LIPA: variants seen among roughly 807,000 people sequenced by gnomAD.
The protein encoded by LIPA is lysosomal acid lipase/cholesteryl ester hydrolase.
Under a neutral mutation model 40.6 loss-of-function variants are expected in LIPA, and 26 were observed. The ratio of observed to expected loss-of-function variants is 0.64; its 90% CI spans 0.47 to 0.89. LIPA has a LOEUF of 0.89. Ranked by LOEUF, LIPA falls within the 40% of genes least tolerant of loss-of-function variation. The pLI is 0.00. For synonymous variants in LIPA, 188 were observed against 168.4 expected (o/e 1.12, Z -0.90); for missense variants, 455 against 479.6 (o/e 0.95, Z 0.48).
chr10:89,320,737 C>T (rs1843566656), intron 1 of LIPA, among the ~76,000 whole-genome samples: 1 of 152,136 alleles, frequency 6.6e-6, no homozygotes, highest in Non-Finnish European at 1.5e-5. Flanking sequence ...CATATGGAAC[C>T]AAAATAGAGC....
chr10:89,334,690 A>G (rs1292743773), intron 1 of LIPA, among the ~76,000 whole-genome samples: 2 of 150,852 alleles, frequency 1.3e-5, no homozygotes, highest in Non-Finnish European at 1.5e-5. Context: ...GCGGGGTTTC[A>G]TCATGTTGGC....
intron 2 of LIPA, among the ~76,000 whole-genome samples, chr10:89,391,597 T>G (rs1844252076): frequency 6.6e-6 from 1 of 150,872 alleles, no homozygotes; most frequent in South Asian, 2.1e-4. Flanking sequence ...TGGTGTGATC[T>G]CGGCTCACTG....
chr10:89,356,338 T>C (rs1463708507), intron 2 of LIPA, among the ~76,000 whole-genome samples: 1 of 152,096 alleles, frequency 6.6e-6, no homozygotes, highest in Non-Finnish European at 1.5e-5. Flanking sequence ...AAAGCAGGTG[T>C]CCCCAATCCC....
intron 1 of LIPA, among the ~76,000 whole-genome samples, chr10:89,294,382 A>C (rs910950982): frequency 3.2e-4 from 48 of 152,252 alleles, no homozygotes; most frequent in African/African-American, 1.1e-3. Context: ...TCCAAGATCA[A>C]GGGGCCACAT....
At chr10:89,326,001 A>G (rs1843596387) in intron 1 of LIPA, among the ~76,000 whole-genome samples, 1 of 152,220 alleles carries the variant, frequency 6.6e-6, no homozygotes, top group African/African-American at 2.4e-5. Flanking sequence ...AATGTAAACT[A>G]TTATAACTAC....
At position 89,216,427 on chromosome 10, in the gene LIPA, T is replaced by TAG. The variant is rs931586599; in HGVS notation, c.895-420_895-419dup. Among the ~76,000 whole-genome samples, 554 of 140,878 alleles carry TAG rather than the reference T, an allele frequency of 3.9e-3. 2 individuals carry two copies. Among genetic ancestry groups the TAG allele is most frequent in the Middle Eastern group, 0.026 (7 of 270 alleles). The allele number at this position is 140,878 out of a possible 152,430, so 92.4% of individuals were successfully genotyped here. ...TATATATACATATATATATATATAA[T>TAG]AGAGAGAGAGAGAGAGAGATGGATA... On this transcript the variant is annotated intron_variant, in intron 8 of 9. Transcript: ENST00000336233.
At chr10:89,303,052 T>C (rs1444971677) in intron 1 of LIPA, among the ~76,000 whole-genome samples, 1 of 152,232 alleles carries the variant, frequency 6.6e-6, no homozygotes, top group Non-Finnish European at 1.5e-5. Context: ...GATTTCTTTT[T>C]TTTGTAGTCA....
intron 1 of LIPA, among the ~76,000 whole-genome samples, chr10:89,317,284 T>C (rs189597443): frequency 2.5e-3 from 380 of 152,304 alleles, no homozygotes; most frequent in African/African-American, 8.9e-3. Context: ...TAAGGGAGGA[T>C]GTTTGAACCC....
intron 5 of LIPA, among the ~76,000 whole-genome samples, chr10:89,226,546 T>C (rs1017714784): frequency 1.3e-5 from 2 of 152,252 alleles, no homozygotes; most frequent in Non-Finnish European, 2.9e-5. Context: ...TGTAGTTAGT[T>C]ATATTCCACT....
Position 89,288,027 on chromosome 10 carries a change from G to A in LIPA, c.-1-40378C>T, listed in dbSNP as rs144388301. On this transcript the variant is annotated intron_variant, in intron 1 of 5. Coordinates refer to the LIPA transcript ENST00000282673. Reference sequence around the variant, plus strand: ...TTTCACTTTCACTTGGACTGACCCCGACACCCATCAGGCTCAGCAAATTAC... The same window carrying A: ...TTTCACTTTCACTTGGACTGACCCCAACACCCATCAGGCTCAGCAAATTAC... 9.4e-3 allele frequency among the ~76,000 whole-genome samples: 1,428 copies of A among 152,098 alleles called. 16 individuals are homozygous for A. The highest frequency in any genetic ancestry group is 0.02 in the Middle Eastern group (6 of 294).
chr10:89,321,976 A>T (rs1159961657), intron 1 of LIPA, among the ~76,000 whole-genome samples: 3 of 152,092 alleles, frequency 2.0e-5, no homozygotes, highest in African/African-American at 7.2e-5. Flanking sequence ...AGGACAGAAA[A>T]CCAAACACCG....
chr10:89,268,999 T>G lies in LIPA; in HGVS notation c.-1-21350A>C, dbSNP rs1429445683. On this transcript the variant is annotated intron_variant, in intron 1 of 5. Transcript: ENST00000282673. ...AGACTCTGTCTCAAAAAAAAAAAAGTATAAAAATACTTTAAATGATTTACT... is the reference window on the plus strand; with the variant it reads ...AGACTCTGTCTCAAAAAAAAAAAAGGATAAAAATACTTTAAATGATTTACT... Among the ~76,000 whole-genome samples, 19 of 130,618 alleles carry G rather than the reference T, an allele frequency of 1.5e-4. 1 individual carries two copies. The Admixed American group carries it at 1.5e-3, about 10-fold the overall frequency. The allele number at this position is 130,618 out of a possible 152,430, so 85.7% of individuals were successfully genotyped here.
chr10:89,223,812 CTT>C lies in LIPA; in HGVS notation c.692_693del (p.Lys231ArgfsTer37). The C allele has an allele frequency of 6.2e-7, 1 of 1,614,124 alleles. No homozygotes were observed. The highest frequency in any genetic ancestry group is 8.5e-7 in the Non-Finnish European group (1 of 1,180,012). On this transcript the variant is annotated frameshift_variant, in exon 7 of 10. Transcript: ENST00000336233. LOFTEE classifies it high-confidence loss of function. ...DHLIKDLFGD[K>X]EFLPQSAFLK... Reference sequence around the variant, plus strand: ...AAAAACGCACTCTGGGGAAGAAATTCTTTGTCTCCAAATAAGTCCTACAAAAT... The same window carrying C: ...AAAAACGCACTCTGGGGAAGAAATTCTGTCTCCAAATAAGTCCTACAAAAT...
At chr10:89,341,539 A>T (rs562193062) in intron 1 of LIPA, among the ~76,000 whole-genome samples, 1 of 152,324 alleles carries the variant, frequency 6.6e-6, no homozygotes, top group African/African-American at 2.4e-5. Flanking sequence ...AAAGTATATA[A>T]ATGTATAAGA....
intron 1 of LIPA, chr10:89,309,365 C>G (rs1350675126): frequency 1.3e-5 from 2 of 152,188 alleles, no homozygotes; most frequent in Non-Finnish European, 2.9e-5. Context: ...CCCAAAATCT[C>G]TATTATTTTT....
chr10:89,330,199 C>T (rs556413006), intron 1 of LIPA, among the ~76,000 whole-genome samples: 109 of 152,286 alleles, frequency 7.2e-4, no homozygotes, highest in African/African-American at 2.6e-3. Context: ...GTGTTAAACA[C>T]GTTTTACGCA....
chr10:89,225,564 C>T (rs997168052), intron 5 of LIPA, among the ~76,000 whole-genome samples: 3 of 152,194 alleles, frequency 2.0e-5, no homozygotes, highest in Non-Finnish European at 4.4e-5. Flanking sequence ...GAGCCTCACC[C>T]CATCACCTTT....
chr10:89,402,376 AT>A, intron 2 of LIPA: 1 of 1,614,194 alleles, frequency 6.2e-7, no homozygotes, highest in Middle Eastern at 1.6e-4. Flanking sequence ...GAAATGCCTG[AT>A]TTAGAAAACA....
chr10:89,352,576 T>A (rs1169299241), intron 2 of LIPA, among the ~76,000 whole-genome samples: 2 of 152,154 alleles, frequency 1.3e-5, no homozygotes, highest in Admixed American at 1.3e-4. Context: ...TTCCAGCCTG[T>A]CAGAATGGCT....
Sources: gnomAD v4.1 joint callset for allele counts (sites outside exome capture counted in the v4.1 genomes callset) on GRCh38, gnomAD v4.1.1 for gene constraint, MANE v1.5 for transcripts, NCBI Gene and HGNC (gene_info 2026-07-23, HGNC 2026-07-21) for gene names.